Variants in TMCC3 observed in about 807,000 individuals in gnomAD.
TMCC3 encodes transmembrane and coiled-coil domain protein 3.
In TMCC3, 28 loss-of-function variants were observed where a neutral mutation model predicts 40.2. The ratio of observed to expected loss-of-function variants is 0.70; its 90% confidence interval spans 0.52 to 0.95. The LOEUF is 0.95. Among genes scored for constraint, TMCC3 ranks in the 40% least tolerant of loss-of-function variants. The probability of loss-of-function intolerance (pLI) is 0.00; values close to 1 mark genes in which losing one functional copy is unlikely to be tolerated. For missense variants in TMCC3, 554 were observed against 615.2 expected (o/e 0.90, Z 1.05); for synonymous variants, 255 against 248.5 (o/e 1.03, Z -0.25).
At chr12:94,641,771 T>A (rs888752457) in intron 1 of TMCC3, among the ~76,000 whole-genome samples, 3 of 152,274 alleles carry the variant, frequency 2.0e-5, no homozygotes, top group Middle Eastern at 6.8e-3. Context: ...AACGCACAGA[T>A]GATGAGCTCC....
At chr12:94,583,187 A>T (rs2068617282) in intron 1 of TMCC3, among the ~76,000 whole-genome samples, 1 of 139,830 alleles carries the variant, frequency 7.2e-6, no homozygotes, top group African/African-American at 2.7e-5. Context: ...CAGTGATATT[A>T]AAAAAAAAAA....
At chr12:94,580,648 T>A (rs2068594931) in intron 2 of TMCC3, among the ~76,000 whole-genome samples, 1 of 152,036 alleles carries the variant, frequency 6.6e-6, no homozygotes, top group African/African-American at 2.4e-5. Flanking sequence ...GGCAGGAGGA[T>A]CGCTTGAAAC....
chr12:94,573,524 C>CTTAATGACTT (rs923335439), intron 3 of TMCC3, among the ~76,000 whole-genome samples: 115 of 152,316 alleles, frequency 7.6e-4, no homozygotes, highest in African/African-American at 2.4e-3. Context: ...TCCTCCCTCA[C>CTTAATGACTT]TTAATGACTT....
intron 1 of TMCC3, among the ~76,000 whole-genome samples, chr12:94,622,414 CTT>C (rs1397483803): frequency 6.6e-6 from 1 of 152,148 alleles, no homozygotes; most frequent in African/African-American, 2.4e-5. Flanking sequence ...AGAATCCTCT[CTT>C]GTTAGGTACT....
intron 1 of TMCC3, among the ~76,000 whole-genome samples, chr12:94,619,482 C>T (rs983576903): frequency 6.6e-6 from 1 of 152,206 alleles, no homozygotes; most frequent in African/African-American, 2.4e-5. Flanking sequence ...GTCATTCCTC[C>T]AGGCAGAGGC....
chr12:94,635,719 G>A (rs1424363692), intron 1 of TMCC3, among the ~76,000 whole-genome samples: 1 of 143,824 alleles, frequency 7.0e-6, no homozygotes, highest in Non-Finnish European at 1.5e-5. Flanking sequence ...AGGCTGGATG[G>A]AGTGCAGTGG....
chr12:94,605,596 T>C (rs1225741994), intron 1 of TMCC3, among the ~76,000 whole-genome samples: 1 of 152,212 alleles, frequency 6.6e-6, no homozygotes, highest in African/African-American at 2.4e-5. Flanking sequence ...ATCAGGCATT[T>C]TGCCTCATAA....
chr12:94,600,621 A>C (rs573584344), intron 1 of TMCC3, among the ~76,000 whole-genome samples: 9 of 152,274 alleles, frequency 5.9e-5, no homozygotes, highest in African/African-American at 1.9e-4. Context: ...ACTGTGGTAC[A>C]TGAACATATT....
chr12:94,631,095 T>C (rs1247296721), intron 1 of TMCC3, among the ~76,000 whole-genome samples: 3 of 152,230 alleles, frequency 2.0e-5, no homozygotes, highest in Non-Finnish European at 4.4e-5. Flanking sequence ...TCAAAAAATA[T>C]ATTTTTATAA....
At chr12:94,621,247 A>G (rs183663984) in intron 1 of TMCC3, among the ~76,000 whole-genome samples, 4 of 152,360 alleles carry the variant, frequency 2.6e-5, no homozygotes, top group Admixed American at 2.6e-4. Context: ...TGGGGTTTAG[A>G]GTTAACACTG....
At chr12:94,572,328 TGA>T (rs370816754) in intron 3 of TMCC3, among the ~76,000 whole-genome samples, 49,587 of 103,102 alleles carry the variant, frequency 0.48, 13,235 homozygotes, top group Non-Finnish European at 0.55. Context: ...TTTTTTTTTT[TGA>T]GACAGAGTTT....
intron 1 of TMCC3, among the ~76,000 whole-genome samples, chr12:94,604,450 A>C (rs993801485): frequency 1.3e-5 from 2 of 152,096 alleles, no homozygotes; most frequent in Non-Finnish European, 2.9e-5. Context: ...CTGGAGTCAG[A>C]GAAATATGAT....
intron 1 of TMCC3, among the ~76,000 whole-genome samples, chr12:94,621,008 G>A (rs1418888135): frequency 1.3e-5 from 2 of 152,142 alleles, no homozygotes; most frequent in Non-Finnish European, 2.9e-5. Flanking sequence ...CAGGTCTTAA[G>A]CAAGATTGAT....
Position 94,581,648 on chromosome 12 carries a change from AGAAATAAAACCAT to A in TMCC3, c.956_968del (p.Tyr319PhefsTer21). On this transcript the variant is annotated frameshift_variant, in exon 2 of 4. Transcript: ENST00000261226. LOFTEE classifies it high-confidence loss of function. ...TGTATCTTTCCTCTTGCAGGGTCTG[AGAAATAAAACCAT>A]ATTCTCTCTTAAACTGCACCTTCAG... 2.5e-6 allele frequency: 4 copies of A among 1,587,434 alleles called. No homozygotes were observed. The highest frequency in any genetic ancestry group is 3.4e-6 in the Non-Finnish European group (4 of 1,161,584).
chr12:94,649,485 G>T (rs995731275), intron 1 of TMCC3, among the ~76,000 whole-genome samples: 11 of 152,384 alleles, frequency 7.2e-5, no homozygotes, highest in African/African-American at 2.6e-4. Context: ...CCTCCTGCCA[G>T]AACAGATGCC....
chr12:94,578,227 T>C (rs2068578816), intron 3 of TMCC3, among the ~76,000 whole-genome samples, 167 bp downstream of exon 3: 2 of 147,080 alleles, frequency 1.4e-5, no homozygotes, highest in South Asian at 2.2e-4. Flanking sequence ...GTCTATAACA[T>C]GAACTAGTGG....
intron 1 of TMCC3, among the ~76,000 whole-genome samples, chr12:94,605,746 G>A (rs924494742): frequency 1.3e-5 from 2 of 152,154 alleles, no homozygotes; most frequent in Non-Finnish European, 2.9e-5. Context: ...CACCTACGAT[G>A]AACAAAATGG....
At chr12:94,603,706 A>G (rs1239286048) in intron 1 of TMCC3, among the ~76,000 whole-genome samples, 1 of 152,218 alleles carries the variant, frequency 6.6e-6, no homozygotes, top group Non-Finnish European at 1.5e-5. Context: ...GCAGTCACTC[A>G]GGACATACAC....
chr12:94,594,610 A>T (rs749373246), intron 1 of TMCC3, among the ~76,000 whole-genome samples: 1 of 152,170 alleles, frequency 6.6e-6, no homozygotes, highest in Non-Finnish European at 1.5e-5. Context: ...AGGGGAAGCC[A>T]GCAAGGAAGG....
Sources: allele counts gnomAD v4.1 joint callset (sites outside exome capture counted in the v4.1 genomes callset), GRCh38; gene constraint gnomAD v4.1.1; transcripts MANE v1.5; gene names NCBI Gene and HGNC (gene_info 2026-07-23, HGNC 2026-07-21).